Variants in SLC12A1 observed in about 807,000 individuals in gnomAD.
SLC12A1 encodes solute carrier family 12 member 1.
Under a neutral mutation model 130.4 loss-of-function variants are expected in SLC12A1, and 89 were observed. The ratio of observed to expected loss-of-function variants is 0.68; its 90% CI spans 0.58 to 0.81. SLC12A1 has a LOEUF of 0.81. Among genes scored for constraint, SLC12A1 ranks in the 40% least tolerant of loss-of-function variants. SLC12A1 has a pLI of 0.00. For synonymous variants in SLC12A1, 499 were observed against 460.0 expected, an observed-to-expected ratio of 1.08 and a Z score of -1.09; for missense variants, 1,310 against 1,336.4, an observed-to-expected ratio of 0.98 and a Z score of 0.31.
At chr15:48,274,221 T>C (rs779774862) in intron 19 of SLC12A1, among the ~76,000 whole-genome samples, 1 of 152,172 alleles carries the variant, frequency 6.6e-6, no homozygotes, top group Non-Finnish European at 1.5e-5. Context: ...GTCTTTGCAG[T>C]CTGTAAACTC....
At chr15:48,244,979 A>C in intron 11 of SLC12A1, 75 bp downstream of exon 11, 1 of 1,324,876 alleles carries the variant, frequency 7.5e-7, no homozygotes, top group Non-Finnish European at 1.1e-6. Context: ...AAGATTTCTG[A>C]ATCTGCAACT....
intron 16 of SLC12A1, among the ~76,000 whole-genome samples, chr15:48,256,148 C>G (rs117761953): frequency 1.3e-5 from 2 of 152,178 alleles, no homozygotes; most frequent in Admixed American, 1.3e-4. Context: ...GTGTCACCTT[C>G]CATGCGTGGA....
At chr15:48,231,852 T>C (rs2041383662) in intron 7 of SLC12A1, among the ~76,000 whole-genome samples, 1 of 151,928 alleles carries the variant, frequency 6.6e-6, no homozygotes, top group African/African-American at 2.4e-5. Flanking sequence ...CCTGTCTCTA[T>C]TAAAAATATA....
chr15:48,277,985 T>A (rs1681978), intron 20 of SLC12A1, among the ~76,000 whole-genome samples: 1 of 152,240 alleles, frequency 6.6e-6, no homozygotes, highest in Non-Finnish European at 1.5e-5. Context: ...CAAAAGGTTA[T>A]CTCTTGGTGC....
chr15:48,228,585 G>T, intron 5 of SLC12A1: 1 of 212,602 alleles, frequency 4.7e-6, no homozygotes, highest in Non-Finnish European at 1.0e-5. Flanking sequence ...GTATATATAT[G>T]TTTATATATA....
intron 4 of SLC12A1, chr15:48,225,577 T>G (rs2041274293): frequency 6.6e-6 from 1 of 152,044 alleles, no homozygotes; most frequent in Non-Finnish European, 1.5e-5. Flanking sequence ...ATAATAATAA[T>G]AAGATGGGGT....
chr15:48,207,458 G>A (rs1259046330), intron 1 of SLC12A1, 76 bp from the exon 2 acceptor site: 1 of 266,918 alleles, frequency 3.7e-6, no homozygotes, highest in Non-Finnish European at 7.0e-6. Context: ...AAATAAAACT[G>A]TTCCCTTATA....
chr15:48,279,671 A>G (rs1408823166), intron 20 of SLC12A1, among the ~76,000 whole-genome samples: 1 of 152,238 alleles, frequency 6.6e-6, no homozygotes, highest in Non-Finnish European at 1.5e-5. Flanking sequence ...GAATTTAGCA[A>G]GTTTTCCAAC....
intron 5 of SLC12A1, chr15:48,227,346 T>C (rs2041303155): frequency 4.9e-6 from 3 of 618,264 alleles, no homozygotes; most frequent in South Asian, 3.9e-5. Context: ...AATTGGAATA[T>C]CTTCATTGAC....
chr15:48,238,817 T>C (rs2041468467), intron 9 of SLC12A1, among the ~76,000 whole-genome samples: 1 of 152,196 alleles, frequency 6.6e-6, no homozygotes, highest in South Asian at 2.1e-4. Context: ...AAAGGCATGT[T>C]ACAAAGTTCC....
rs995692573 is a variant in SLC12A1 at position 48,226,767 on chromosome 15, A to T, written c.724+196A>T. The T allele has an allele frequency of 4.7e-5, 29 of 619,084 alleles. No homozygotes were observed. The South Asian group carries it at 5.9e-4, about 13-fold the overall frequency. 38.3% of individuals were successfully genotyped at this position (619,084 alleles called of 1,614,324 possible). On this transcript the variant is annotated intron_variant, in intron 5 of 26. Coordinates refer to ENST00000380993, the MANE Select transcript of SLC12A1 (RefSeq NM_000338.3). ...TCTACTCTGGTCTCTTTTCTAATGG[A>T]TCTCTCTGGCACATTGTAGGTTATG... is the stretch of plus-strand genomic sequence containing the variant.
intron 16 of SLC12A1, among the ~76,000 whole-genome samples, chr15:48,258,935 G>C (rs1314193609): frequency 1.3e-5 from 2 of 152,084 alleles, no homozygotes; most frequent in Non-Finnish European, 2.9e-5. Flanking sequence ...GATGAGATTT[G>C]GGTGGGAACA....
At position 48,221,016 on chromosome 15, in the gene SLC12A1, T is replaced by C; in HGVS notation, c.628+20T>C. The stretch of plus-strand genomic sequence containing the variant: ...GAATTGGTAAGCATTTTTCCCCTCC[T>C]AAATAATTTTGCATGTAAATCATAA... On this transcript the variant is annotated intron_variant, in intron 4 of 26. Coordinates refer to ENST00000380993, the MANE Select transcript of SLC12A1 (RefSeq NM_000338.3). 6.2e-7 allele frequency: 1 copy of C among 1,608,234 alleles called. No individual in the cohort carries two copies. Among genetic ancestry groups the C allele is most frequent in the Non-Finnish European group, 8.5e-7 (1 of 1,174,696 alleles).
At chr15:48,220,518 G>A in intron 2 of SLC12A1, 116 bp from the exon 3 acceptor site, 1 of 990,412 alleles carries the variant, frequency 1.0e-6, no homozygotes, top group Non-Finnish European at 1.4e-6. Context: ...TATTTAGTTT[G>A]GGGGTTTTTT....
intron 21 of SLC12A1, among the ~76,000 whole-genome samples, chr15:48,286,070 A>G (rs1278583761): frequency 6.6e-6 from 1 of 152,202 alleles, no homozygotes; most frequent in African/African-American, 2.4e-5. Context: ...GCAGGATCCA[A>G]GTGGAGACTT....
chr15:48,220,082 C>G, intron 2 of SLC12A1, among the ~76,000 whole-genome samples: 1 of 141,410 alleles, frequency 7.1e-6, no homozygotes. Flanking sequence ...GCACTCCAGC[C>G]TGAGTGACAC....
chr15:48,232,865 C>T (rs2041397809), intron 8 of SLC12A1, 27 bp downstream of exon 8: 2 of 1,355,260 alleles, frequency 1.5e-6, no homozygotes, highest in East Asian at 2.3e-5. Context: ...GGTTGCTTTT[C>T]ATTAAATACT....
At chr15:48,209,073 T>G (rs1034432549) in intron 2 of SLC12A1, among the ~76,000 whole-genome samples, 2 of 152,192 alleles carry the variant, frequency 1.3e-5, no homozygotes, top group African/African-American at 4.8e-5. Flanking sequence ...TTTCCCAATC[T>G]TTTTTGAGAC....
chr15:48,223,336 AC>A (rs1451035087), intron 4 of SLC12A1: 5 of 152,164 alleles, frequency 3.3e-5, no homozygotes, highest in African/African-American at 1.2e-4. Context: ...TTTAATAAGC[AC>A]CCCAGGCATT....
Sources: allele counts gnomAD v4.1 joint callset (sites outside exome capture counted in the v4.1 genomes callset), GRCh38; gene constraint gnomAD v4.1.1; transcripts MANE v1.5; gene names NCBI Gene and HGNC (gene_info 2026-07-23, HGNC 2026-07-21).